The following SYT16 variants were observed in gnomAD, a reference collection of about 807,000 sequenced individuals.
The protein encoded by SYT16 is synaptotagmin 16.
SYT16 carries 42 observed loss-of-function variants against 61.4 expected under a neutral mutation model. That is an observed-to-expected ratio of 0.68 (90% CI 0.53 to 0.89). SYT16 has a LOEUF of 0.89. Ranked by LOEUF, SYT16 falls within the 40% of genes least tolerant of loss-of-function variation. The pLI is 0.00. For missense variants in SYT16, 804 were observed against 807.3 expected, an observed-to-expected ratio of 1.00 and a Z score of 0.05; for synonymous variants, 314 against 302.3, an observed-to-expected ratio of 1.04 and a Z score of -0.40.
At chr14:61,833,285 T>C (rs1015839082) in intron 1 of SYT16, among the ~76,000 whole-genome samples, 8 of 149,596 alleles carry the variant, frequency 5.3e-5, no homozygotes, top group Non-Finnish European at 1.2e-4. Context: ...GGGTGGCTTT[T>C]TTTTCTTTTC....
At chr14:61,870,039 A>T (rs2047280625) in intron 1 of SYT16, among the ~76,000 whole-genome samples, 1 of 152,150 alleles carries the variant, frequency 6.6e-6, no homozygotes, top group Admixed American at 6.5e-5. Context: ...AATAAGAAAA[A>T]ATTTATATCT....
chr14:62,034,530 A>T (rs2054429831), intron 3 of SYT16, among the ~76,000 whole-genome samples: 1 of 152,002 alleles, frequency 6.6e-6, no homozygotes, highest in African/African-American at 2.4e-5. Context: ...TGTAAAAAGA[A>T]TGAACTACTG....
chr14:61,815,965 C>A (rs1431565553), intron 1 of SYT16, among the ~76,000 whole-genome samples: 2 of 152,170 alleles, frequency 1.3e-5, no homozygotes, highest in Non-Finnish European at 2.9e-5. Flanking sequence ...ATCAGCCAGG[C>A]ATGTTTAGGT....
At chr14:61,899,015 C>T (rs1269972004) in intron 1 of SYT16, among the ~76,000 whole-genome samples, 11 of 152,182 alleles carry the variant, frequency 7.2e-5, no homozygotes, top group Admixed American at 7.2e-4. Context: ...GTTTCTTGTA[C>T]ACTGGAATTT....
At chr14:61,993,597 G>GTAAA (rs2052645859) in intron 2 of SYT16, among the ~76,000 whole-genome samples, 1 of 151,978 alleles carries the variant, frequency 6.6e-6, no homozygotes, top group Non-Finnish European at 1.5e-5. Flanking sequence ...AGAGAACCTT[G>GTAAA]TAAATCTGTG....
At position 62,104,030 on chromosome 14, in the gene SYT16, T is replaced by C. The variant is rs1404471219; in HGVS notation, c.*3323T>C. ...TACCTCTTGTGCAGTTACTGTGCTT[T>C]AGATGACCTTATCTGAGAACCAAAA... is the stretch of plus-strand genomic sequence containing the variant. On this transcript the variant is annotated 3_prime_UTR_variant, in exon 8 of 8. Coordinates refer to ENST00000683842, the MANE Select transcript of SYT16 (RefSeq NM_001367656.1). The C allele has an allele frequency of 6.6e-6, 1 of 152,218 alleles. No homozygotes were observed. Among genetic ancestry groups the C allele is most frequent in the Non-Finnish European group, 1.5e-5 (1 of 68,034 alleles). The allele number at this position is 152,218 out of a possible 1,614,324, so 9.4% of individuals were successfully genotyped here.
chr14:61,921,022 A>G (rs1360711306), intron 1 of SYT16, among the ~76,000 whole-genome samples: 1 of 152,054 alleles, frequency 6.6e-6, no homozygotes, highest in African/African-American at 2.4e-5. Context: ...GTTGGAGGAA[A>G]CCCTTCCCTG....
chr14:62,019,354 A>G (rs1289000248), intron 3 of SYT16, among the ~76,000 whole-genome samples: 3 of 152,190 alleles, frequency 2.0e-5, no homozygotes, highest in African/African-American at 7.2e-5. Flanking sequence ...CCATTTTTTA[A>G]CTTATCACAG....
At chr14:61,848,340 T>A (rs1157104291) in intron 1 of SYT16, among the ~76,000 whole-genome samples, 1 of 152,160 alleles carries the variant, frequency 6.6e-6, no homozygotes, top group African/African-American at 2.4e-5. Context: ...ACCTTGGTGG[T>A]CTTGGATAAA....
rs2046581268 is a variant in SYT16, at chr14:61,850,502, CT to C, written c.-325+37694del. The stretch of plus-strand genomic sequence containing the variant: ...TGTGGTTTGTTAGCTGTTTGCATTT[CT>C]TCTTTTAAGAAGTGTACATATCATT... On this transcript the variant is annotated intron_variant, in intron 1 of 7. Coordinates refer to ENST00000683842, the MANE Select transcript of SYT16 (RefSeq NM_001367656.1). Among the ~76,000 whole-genome samples, 4 of 152,202 alleles carry C rather than the reference CT, an allele frequency of 2.6e-5. No homozygotes were observed. The East Asian group carries it at 7.7e-4, about 29-fold the overall frequency.
At chr14:61,890,656 CTG>C (rs1461474341) in intron 1 of SYT16, among the ~76,000 whole-genome samples, 3 of 151,934 alleles carry the variant, frequency 2.0e-5, no homozygotes, top group African/African-American at 7.3e-5. Context: ...ATATGAGAAA[CTG>C]AGGCCACCAA....
At chr14:62,010,141 A>G (rs1401834153) in intron 3 of SYT16, among the ~76,000 whole-genome samples, 1 of 152,230 alleles carries the variant, frequency 6.6e-6, no homozygotes, top group Non-Finnish European at 1.5e-5. Flanking sequence ...GTCTATGTTA[A>G]GTGCACAAAA....
intron 3 of SYT16, among the ~76,000 whole-genome samples, chr14:62,032,540 A>G (rs1029857922): frequency 6.6e-6 from 1 of 152,070 alleles, no homozygotes; most frequent in Non-Finnish European, 1.5e-5. Context: ...ATTTATGAAT[A>G]TATTAGTTAT....
chr14:62,068,068 T>C (rs1179026155), intron 3 of SYT16, among the ~76,000 whole-genome samples: 2 of 152,082 alleles, frequency 1.3e-5, no homozygotes, highest in African/African-American at 4.8e-5. Flanking sequence ...GGAGGTGAAA[T>C]CACCACCTCA....
At chr14:62,044,264 A>G (rs2054870542) in intron 3 of SYT16, among the ~76,000 whole-genome samples, 1 of 151,690 alleles carries the variant, frequency 6.6e-6, no homozygotes, top group African/African-American at 2.4e-5. Context: ...AAACTTGACT[A>G]TATAGAGGGT....
chr14:61,902,824 C>A (rs1385885953), intron 1 of SYT16, among the ~76,000 whole-genome samples: 1 of 152,198 alleles, frequency 6.6e-6, no homozygotes, highest in African/African-American at 2.4e-5. Context: ...GAGCCAAGTG[C>A]AATTGGTTTC....
At chr14:61,833,706 C>CT (rs11357318) in intron 1 of SYT16, among the ~76,000 whole-genome samples, 8,178 of 48,406 alleles carry the variant, frequency 0.17, 787 homozygotes, top group Non-Finnish European at 0.22. Flanking sequence ...CCAGCAGTGG[C>CT]TTTTTTTTTT....
At chr14:61,973,137 A>G (rs1247094872) in intron 2 of SYT16, among the ~76,000 whole-genome samples, 2 of 152,244 alleles carry the variant, frequency 1.3e-5, no homozygotes, top group East Asian at 1.9e-4. Flanking sequence ...ATGTGGTAAC[A>G]TCAGAGAGGC....
At chr14:62,003,634 G>C (rs1207768527) in intron 3 of SYT16, among the ~76,000 whole-genome samples, 1 of 152,040 alleles carries the variant, frequency 6.6e-6, no homozygotes, top group Non-Finnish European at 1.5e-5. Context: ...ATCTTAAGTG[G>C]AAGCTGGAAC....
Sources: allele counts gnomAD v4.1 joint callset (sites outside exome capture counted in the v4.1 genomes callset), GRCh38; gene constraint gnomAD v4.1.1; transcripts MANE v1.5; gene names NCBI Gene and HGNC (gene_info 2026-07-23, HGNC 2026-07-21).